Variants in TASP1 observed in about 807,000 individuals in gnomAD.
TASP1 encodes the protein taspase 1.
A neutral mutation model predicts 56.6 loss-of-function variants in TASP1; 16 were observed. The observed-to-expected ratio is 0.28, with a 90% confidence interval of 0.19 to 0.43. The LOEUF (loss-of-function observed/expected upper bound fraction) is 0.43, where lower values mean the gene tolerates loss of function less well. Ranked by LOEUF, TASP1 falls within the 20% of genes least tolerant of loss-of-function variation. The pLI, the probability that TASP1 is intolerant of heterozygous loss-of-function variation, is 1.00. For missense variants in TASP1, 393 were observed against 511.6 expected (o/e 0.77, Z 2.24); for synonymous variants, 179 against 184.2 (o/e 0.97, Z 0.23).
chr20:13,337,023 GAGA>G, the TASP1 span, among the ~76,000 whole-genome samples: 3 of 152,230 alleles, frequency 2.0e-5, no homozygotes, highest in Non-Finnish European at 4.4e-5. Flanking sequence ...GGGAATCCAT[GAGA>G]AGATTTCCAG....
chr20:13,299,282 C>T, the TASP1 span: 1 of 1,612,018 alleles, frequency 6.2e-7, no homozygotes. The surrounding 1 kb of genome is among the most constrained non-coding windows in gnomAD (Gnocchi z 5.8). Context: ...CCAACCTCAT[C>T]AGCACCGAGT....
the TASP1 span, chr20:13,368,720 A>G: frequency 6.6e-6 from 1 of 152,268 alleles, no homozygotes; most frequent in Admixed American, 6.5e-5. Context: ...GAAAAGATAA[A>G]CCCATTTTTG....
chr20:13,608,843 G>C (rs549274855), intron 4 of TASP1, among the ~76,000 whole-genome samples: 1 of 152,314 alleles, frequency 6.6e-6, no homozygotes, highest in Admixed American at 6.5e-5. Flanking sequence ...CTCAATTCTA[G>C]CTAAGGGAGA....
chr20:13,137,448 T>G, the TASP1 span, among the ~76,000 whole-genome samples: 1 of 152,186 alleles, frequency 6.6e-6, no homozygotes, highest in Non-Finnish European at 1.5e-5. Flanking sequence ...GATTTTTTAT[T>G]CATATTTGGT....
chr20:13,599,701 A>G (rs1035513592), intron 4 of TASP1, among the ~76,000 whole-genome samples: 2 of 151,974 alleles, frequency 1.3e-5, no homozygotes, highest in African/African-American at 4.8e-5. Flanking sequence ...AATGTAATTC[A>G]CCATATTAAG....
chr20:13,347,829 G>A, the TASP1 span, among the ~76,000 whole-genome samples: 9 of 148,576 alleles, frequency 6.1e-5, no homozygotes, highest in Non-Finnish European at 1.2e-4. Context: ...GCGACATAGC[G>A]AGACTTTGTC....
the TASP1 span, among the ~76,000 whole-genome samples, chr20:13,141,360 G>C: frequency 1.3e-5 from 2 of 152,160 alleles, no homozygotes; most frequent in Non-Finnish European, 2.9e-5. Context: ...AAGCAAAGAG[G>C]AAAAGGACTG....
the TASP1 span, among the ~76,000 whole-genome samples, chr20:13,201,644 T>C: frequency 6.6e-6 from 1 of 151,376 alleles, no homozygotes; most frequent in African/African-American, 2.4e-5. Context: ...TGATCAGAAC[T>C]ATCATAAATA....
chr20:13,105,958 AAAG>A, the TASP1 span, among the ~76,000 whole-genome samples: 2 of 152,232 alleles, frequency 1.3e-5, no homozygotes, highest in Admixed American at 6.5e-5. Context: ...GCAAAAGTGA[AAAG>A]AAGATACCCA....
chr20:13,312,498 T>C, the TASP1 span, among the ~76,000 whole-genome samples: 8 of 152,284 alleles, frequency 5.3e-5, no homozygotes, highest in East Asian at 5.8e-4. Flanking sequence ...CAGTCTGAGA[T>C]AAACAGAGCA....
intron 11 of TASP1, among the ~76,000 whole-genome samples, chr20:13,477,481 A>G (rs532403088): frequency 6.6e-6 from 1 of 152,280 alleles, no homozygotes; most frequent in Admixed American, 6.5e-5. Context: ...AAAAAAATGT[A>G]CCATGATATT....
At chr20:13,312,630 C>A in the TASP1 span, among the ~76,000 whole-genome samples, 3 of 152,190 alleles carry the variant, frequency 2.0e-5, no homozygotes, top group Non-Finnish European at 2.9e-5. Context: ...TGCTCTCCTG[C>A]CTCTGGGGCC....
chr20:13,543,424 C>A (rs564589198), intron 8 of TASP1, among the ~76,000 whole-genome samples: 1 of 152,106 alleles, frequency 6.6e-6, no homozygotes, highest in Non-Finnish European at 1.5e-5. Flanking sequence ...CATGGAGAAA[C>A]CCCATCTCTA....
At chr20:13,176,554 A>G in the TASP1 span, among the ~76,000 whole-genome samples, 4 of 152,274 alleles carry the variant, frequency 2.6e-5, no homozygotes, top group East Asian at 7.7e-4. Flanking sequence ...TTCCTGGGAT[A>G]CATTTCACTT....
chr20:13,214,394 C>G, the TASP1 span, among the ~76,000 whole-genome samples: 1 of 152,064 alleles, frequency 6.6e-6, no homozygotes, highest in African/African-American at 2.4e-5. Context: ...TGTAGGTCTA[C>G]TAGGTGGCTC....
intron 11 of TASP1, among the ~76,000 whole-genome samples, chr20:13,455,086 G>A (rs1331821747): frequency 6.6e-6 from 1 of 151,932 alleles, no homozygotes; most frequent in African/African-American, 2.4e-5. Context: ...AGGAACTGCA[G>A]GATCAAACAA....
chr20:13,367,903 G>T, the TASP1 span, among the ~76,000 whole-genome samples: 19 of 152,304 alleles, frequency 1.2e-4, no homozygotes, highest in Middle Eastern at 3.4e-3. Flanking sequence ...ATATGTTCCA[G>T]CTACCCCGGA....
chr20:13,321,615 T>C, the TASP1 span, among the ~76,000 whole-genome samples: 1 of 152,238 alleles, frequency 6.6e-6, no homozygotes, highest in African/African-American at 2.4e-5. Flanking sequence ...TCTTCACCAC[T>C]TGATCCTCGG....
At chr20:13,424,340 A>G (rs1192875492) in intron 12 of TASP1, among the ~76,000 whole-genome samples, 1 of 152,252 alleles carries the variant, frequency 6.6e-6, no homozygotes, top group Non-Finnish European at 1.5e-5. Context: ...AGTAGCATTT[A>G]CCATCAGTGA....
Sources: allele counts gnomAD v4.1 joint callset (sites outside exome capture counted in the v4.1 genomes callset), GRCh38; gene constraint gnomAD v4.1.1; non-coding constraint Gnocchi (gnomAD v3.1); transcripts MANE v1.5; gene names NCBI Gene and HGNC (gene_info 2026-07-23, HGNC 2026-07-21).